NPAS3: variants seen among roughly 807,000 people sequenced by gnomAD.
NPAS3 encodes neuronal PAS domain protein 3.
In NPAS3, 14 loss-of-function variants were observed where a neutral mutation model predicts 73.1. The observed-to-expected ratio is 0.19, with a 90% confidence interval of 0.13 to 0.30. NPAS3 has a LOEUF of 0.30. Ranked by LOEUF, NPAS3 falls within the 10% of genes least tolerant of loss-of-function variation. The pLI is 1.00. For synonymous variants in NPAS3, 620 were observed against 541.5 expected, an observed-to-expected ratio of 1.14 and a Z score of -2.01; for missense variants, 1,096 against 1,250.0, an observed-to-expected ratio of 0.88 and a Z score of 1.86.
intron 6 of NPAS3, among the ~76,000 whole-genome samples, chr14:33,686,989 A>G (rs1248376587): frequency 6.6e-6 from 1 of 152,250 alleles, no homozygotes; most frequent in African/African-American, 2.4e-5. Flanking sequence ...CATTTAAGAG[A>G]TTATTTCTAT....
intron 4 of NPAS3, among the ~76,000 whole-genome samples, chr14:33,391,830 C>G (rs1161692088): frequency 1.3e-5 from 2 of 152,120 alleles, no homozygotes; most frequent in Admixed American, 6.6e-5. Context: ...ATATTGATGA[C>G]AGACAGTAAA....
intron 3 of NPAS3, among the ~76,000 whole-genome samples, chr14:33,336,036 G>A (rs746864881): frequency 1.7e-4 from 26 of 152,168 alleles, no homozygotes; most frequent in Non-Finnish European, 2.8e-4. Flanking sequence ...AAAGTCATCA[G>A]ATCAGACCAT....
chr14:33,686,341 T>C (rs1236433322), intron 6 of NPAS3, among the ~76,000 whole-genome samples: 1 of 152,204 alleles, frequency 6.6e-6, no homozygotes, highest in Non-Finnish European at 1.5e-5. Context: ...GTAAAGAATC[T>C]AAGATCCGTG....
At chr14:33,135,028 T>C (rs1292516493) in intron 2 of NPAS3, among the ~76,000 whole-genome samples, 1 of 152,178 alleles carries the variant, frequency 6.6e-6, no homozygotes, top group Non-Finnish European at 1.5e-5. Flanking sequence ...GTGCTTTCAT[T>C]GCATATTATG....
At chr14:33,422,555 A>G (rs1417287915) in intron 4 of NPAS3, among the ~76,000 whole-genome samples, 1 of 151,986 alleles carries the variant, frequency 6.6e-6, no homozygotes, top group Non-Finnish European at 1.5e-5. Context: ...ATATGTGTGT[A>G]TGTACATATT....
At position 33,002,625 on chromosome 14, in the gene NPAS3, A is replaced by C. The variant is rs565556426; in HGVS notation, c.51-53280A>C. Among the ~76,000 whole-genome samples the C allele has an allele frequency of 7.2e-5, 11 of 152,358 alleles. No homozygotes were observed. The South Asian group carries it at 2.3e-3, about 32-fold the overall frequency. On this transcript the variant is annotated intron_variant, in intron 1 of 11. Transcript: ENST00000356141. Reference sequence around the variant, plus strand: ...GATAGGCTTTTGAGTTGTGAAACGTAGGATATAGAAGTAAATGATAGGACT... The same window carrying C: ...GATAGGCTTTTGAGTTGTGAAACGTCGGATATAGAAGTAAATGATAGGACT...
chr14:33,127,387 C>T (rs2043465269), intron 2 of NPAS3, among the ~76,000 whole-genome samples: 1 of 152,016 alleles, frequency 6.6e-6, no homozygotes, highest in Non-Finnish European at 1.5e-5. Context: ...AGAATATGTC[C>T]TTATTTTACC....
intron 4 of NPAS3, among the ~76,000 whole-genome samples, chr14:33,519,750 A>G (rs965718): frequency 0.66 from 99,338 of 151,608 alleles, 32,659 homozygotes; most frequent in South Asian, 0.74. Context: ...ACACGTTCAC[A>G]TTCCTAGTCA....
At chr14:32,956,870 A>T (rs922535315) in intron 1 of NPAS3, among the ~76,000 whole-genome samples, 2 of 152,206 alleles carry the variant, frequency 1.3e-5, no homozygotes, top group Non-Finnish European at 2.9e-5. Context: ...ACACTGTGAA[A>T]CTTTGGACAG....
intron 4 of NPAS3, among the ~76,000 whole-genome samples, chr14:33,376,849 T>C (rs1297527226): frequency 6.6e-6 from 1 of 152,216 alleles, no homozygotes; most frequent in East Asian, 1.9e-4. Context: ...TTGTGAGGAC[T>C]GAACAAAATA....
chr14:33,579,816 C>T (rs1418559115), intron 5 of NPAS3, among the ~76,000 whole-genome samples: 1 of 151,852 alleles, frequency 6.6e-6, no homozygotes, highest in Non-Finnish European at 1.5e-5. Flanking sequence ...AAGTAAAGGC[C>T]TTATTGTATC....
intron 3 of NPAS3, among the ~76,000 whole-genome samples, chr14:33,333,057 TAGTC>T (rs1402700504): frequency 6.6e-6 from 1 of 152,182 alleles, no homozygotes; most frequent in Non-Finnish European, 1.5e-5. Context: ...ATGCATACAA[TAGTC>T]AGAGCATCTG....
intron 3 of NPAS3, among the ~76,000 whole-genome samples, chr14:33,266,169 A>G (rs2040808619): frequency 6.6e-6 from 1 of 152,156 alleles, no homozygotes. Flanking sequence ...TTAATCTGAA[A>G]TTAAAGAGGC....
At chr14:33,273,461 T>G (rs2041190424) in intron 3 of NPAS3, among the ~76,000 whole-genome samples, 1 of 152,188 alleles carries the variant, frequency 6.6e-6, no homozygotes, top group African/African-American at 2.4e-5. Context: ...GAGGCCCCAT[T>G]TTCTTATCTA....
chr14:33,607,407 C>CA lies in NPAS3; in HGVS notation c.558+47210dup, dbSNP rs35133518. ...TTATTCTTGGTGAATTAAGCCAAAC[C>CA]AAAAAAAAAAAAAGAGTGATTCCAT... On this transcript the variant is annotated intron_variant, in intron 5 of 11. Coordinates refer to ENST00000356141, the Ensembl canonical transcript of NPAS3. Among the ~76,000 whole-genome samples the CA allele has an allele frequency of 0.018, 2,244 of 125,208 alleles. 122 individuals carry two copies. In the East Asian group the frequency reaches 0.22, roughly 12 times the overall value. The allele number at this position is 125,208 out of a possible 152,430, so 82.1% of individuals were successfully genotyped here. A position where few individuals can be genotyped will look rare whatever the true frequency, so the allele number is the denominator to read the frequency against.
chr14:33,305,397 C>G (rs368301774), intron 3 of NPAS3, among the ~76,000 whole-genome samples: 31 of 152,154 alleles, frequency 2.0e-4, no homozygotes, highest in African/African-American at 6.3e-4. Context: ...AACCAACTGA[C>G]TTTTCATCTA....
At chr14:33,010,716 C>T (rs1263429494) in intron 1 of NPAS3, among the ~76,000 whole-genome samples, 8 of 151,866 alleles carry the variant, frequency 5.3e-5, no homozygotes, top group African/African-American at 1.9e-4. Context: ...CTTTGGCAGG[C>T]CAAGGAGAGA....
intron 6 of NPAS3, among the ~76,000 whole-genome samples, chr14:33,717,404 C>T (rs542031356): frequency 6.6e-6 from 1 of 151,940 alleles, no homozygotes; most frequent in East Asian, 1.9e-4. Context: ...CCCTGAAATC[C>T]TAACTGTTCA....
At chr14:33,747,559 T>A (rs1428950696) in intron 7 of NPAS3, among the ~76,000 whole-genome samples, 3 of 152,176 alleles carry the variant, frequency 2.0e-5, no homozygotes, top group Admixed American at 6.5e-5. Flanking sequence ...AACAAAAGAA[T>A]CATCTGTGTA....
Sources: allele counts gnomAD v4.1 joint callset (sites outside exome capture counted in the v4.1 genomes callset), GRCh38; gene constraint gnomAD v4.1.1; transcripts MANE v1.5; gene names NCBI Gene and HGNC (gene_info 2026-07-23, HGNC 2026-07-21).